Variants in FMN1 observed in about 807,000 individuals in gnomAD.
The protein encoded by FMN1 is formin-1.
Under a neutral mutation model 132.4 loss-of-function variants are expected in FMN1, and 110 were observed. The observed-to-expected ratio is 0.83, with a 90% CI of 0.71 to 0.97. FMN1 has a LOEUF of 0.97. Among genes scored for constraint, FMN1 ranks in the 50% least tolerant of loss-of-function variants. FMN1 has a pLI of 0.00. For synonymous variants in FMN1, 722 were observed against 651.7 expected, an observed-to-expected ratio of 1.11 and a Z score of -1.64; for missense variants, 1,792 against 1,705.3, an observed-to-expected ratio of 1.05 and a Z score of -0.90.
chr15:32,894,462 TG>T lies in FMN1; in HGVS notation c.3714+4371del, dbSNP rs545942136. Among the ~76,000 whole-genome samples the T allele has an allele frequency of 2.5e-4, 37 of 148,790 alleles. 3 individuals are homozygous for T. The South Asian group carries it at 7.9e-3, about 32-fold the overall frequency. On this transcript the variant is annotated intron_variant, in intron 15 of 20. Coordinates refer to ENST00000616417, the MANE Select transcript of FMN1 (RefSeq NM_001277313.2). Reference sequence around the variant, plus strand: ...TTGCACCACTGCACTGCAGCCTGGGTGACAGAGCGAGACTCCATCTCAATTA... The same window carrying T: ...TTGCACCACTGCACTGCAGCCTGGGTACAGAGCGAGACTCCATCTCAATTA...
chr15:33,062,347 C>T (rs1051812990), intron 6 of FMN1, among the ~76,000 whole-genome samples: 4 of 152,112 alleles, frequency 2.6e-5, no homozygotes, highest in Admixed American at 6.5e-5. Context: ...GTAGGCCAGG[C>T]ACGGTGGCTC....
Position 33,051,347 on chromosome 15 carries a change from A to T in FMN1, c.2161+13610T>A, listed in dbSNP as rs1053606770. ...GGCCACATTAAAAATGGAAAGAAAA[A>T]ACTAAACTGGAAGTCAGAAGACCAA... On this transcript the variant is annotated intron_variant, in intron 6 of 20. Coordinates refer to ENST00000616417, the MANE Select transcript of FMN1 (RefSeq NM_001277313.2). Among the ~76,000 whole-genome samples the T allele has an allele frequency of 2.0e-5, 3 of 152,194 alleles. No homozygotes were observed. In the East Asian group the frequency reaches 5.8e-4, roughly 29 times the overall value.
intron 6 of FMN1, among the ~76,000 whole-genome samples, chr15:33,022,159 T>C (rs1400790009): frequency 6.6e-6 from 1 of 152,232 alleles, no homozygotes; most frequent in African/African-American, 2.4e-5. Context: ...TAATACAACG[T>C]CAATGCTATG....
Position 33,057,445 on chromosome 15 carries a change from G to C in FMN1, c.2161+7512C>G, listed in dbSNP as rs1363587295. On this transcript the variant is annotated intron_variant, in intron 6 of 20. Coordinates refer to ENST00000616417, the MANE Select transcript of FMN1 (RefSeq NM_001277313.2). ...AAAGAAAGTCAGTGGTGCTGCAGTT[G>C]AACTTCATATATATTGTCTTATCTC... 2.0e-5 allele frequency among the ~76,000 whole-genome samples: 3 copies of C among 152,136 alleles called. No homozygotes were observed. In the East Asian group the frequency reaches 5.8e-4, roughly 29 times the overall value.
At chr15:33,113,801 G>A (rs749520077) in intron 4 of FMN1, among the ~76,000 whole-genome samples, 6 of 152,156 alleles carry the variant, frequency 3.9e-5, no homozygotes, top group Non-Finnish European at 7.4e-5. Context: ...CTTCCAGACG[G>A]TCTTACAGCT....
chr15:33,017,489 C>CA (rs1328132702), intron 6 of FMN1, among the ~76,000 whole-genome samples: 2 of 149,898 alleles, frequency 1.3e-5, no homozygotes, highest in Non-Finnish European at 3.0e-5. Flanking sequence ...TTTTTTTTTT[C>CA]AAAAAAGAAG....
intron 9 of FMN1, among the ~76,000 whole-genome samples, chr15:32,938,533 A>G (rs1008960723): frequency 6.6e-6 from 1 of 152,180 alleles, no homozygotes; most frequent in African/African-American, 2.4e-5. Flanking sequence ...CTGTCTGAAG[A>G]AATGTTCCAA....
chr15:33,159,569 GA>G (rs553083740), intron 3 of FMN1, among the ~76,000 whole-genome samples: 175 of 151,866 alleles, frequency 1.2e-3, no homozygotes, highest in African/African-American at 3.5e-3. Context: ...GAATGTAACA[GA>G]AAAAAAACAC....
In FMN1 at chr15:33,153,962, T is replaced by C; in HGVS notation, c.953A>G (p.Lys318Arg). 6.5e-7 allele frequency: 1 copy of C among 1,536,802 alleles called. No individual in the cohort carries two copies. The highest frequency in any genetic ancestry group is 1.2e-5 in the South Asian group (1 of 84,062). ...AEKDEMEKPA[K>R]RTCKQKPVSK... The stretch of plus-strand genomic sequence containing the variant: ...GACAGGTTTCTGCTTGCAAGTCCGC[T>C]TAGCCGGCTTCTCCATCTCATCCTT... Residue 318 changes from lysine (K) to arginine (R), a missense_variant, in exon 4 of 21, where the codon AAG (lysine) becomes AGG (arginine). Around this residue, in one of 3 missense-constraint regions of FMN1, gnomAD observed 638 missense variants for 645.2 expected, o/e 0.99. Coordinates refer to ENST00000616417, the MANE Select transcript of FMN1 (RefSeq NM_001277313.2).
At chr15:32,934,673 CT>C (rs1237517980) in intron 9 of FMN1, among the ~76,000 whole-genome samples, 3 of 144,954 alleles carry the variant, frequency 2.1e-5, no homozygotes, top group South Asian at 4.3e-4. Context: ...ATGGCGCAAT[CT>C]TGGCTCACTG....
chr15:33,158,434 T>C (rs1314845724), intron 3 of FMN1, among the ~76,000 whole-genome samples: 2 of 140,228 alleles, frequency 1.4e-5, no homozygotes, highest in African/African-American at 2.6e-5. Context: ...GCTACTATTA[T>C]AAAAAAAAAG....
Position 33,069,994 on chromosome 15 carries a change from T to A in FMN1, c.2044-4920A>T, listed in dbSNP as rs1023381061. Among the ~76,000 whole-genome samples, 154 of 32,576 alleles carry A rather than the reference T, an allele frequency of 4.7e-3. 2 individuals are homozygous for A. Among genetic ancestry groups the A allele is most frequent in the African/African-American group, 0.018 (150 of 8,220 alleles). 21.4% of individuals were successfully genotyped at this position (32,576 alleles called of 152,430 possible). A position where few individuals can be genotyped will look rare whatever the true frequency, so the allele number is the denominator to read the frequency against. ...ACAGATCATAAGATCAGTCTTTCTCTTTTTTTTTTTTTTTTTTTTTTTTTT... is the reference window on the plus strand; with the variant it reads ...ACAGATCATAAGATCAGTCTTTCTCATTTTTTTTTTTTTTTTTTTTTTTTT... On this transcript the variant is annotated intron_variant, in intron 5 of 20. Coordinates refer to ENST00000616417, the MANE Select transcript of FMN1 (RefSeq NM_001277313.2).
At chr15:32,898,936 G>A (rs139757565) in intron 14 of FMN1, 43 bp from the exon 15 acceptor site, 1 of 1,313,776 alleles carries the variant, frequency 7.6e-7, no homozygotes, top group Non-Finnish European at 1.1e-6. Flanking sequence ...ATTCCCATGA[G>A]ACTGTCATGT....
At chr15:32,930,785 G>A (rs1019075947) in intron 9 of FMN1, among the ~76,000 whole-genome samples, 5 of 151,740 alleles carry the variant, frequency 3.3e-5, no homozygotes, top group African/African-American at 7.3e-5. Flanking sequence ...CAATTTTAGA[G>A]GACTTTTCCC....
intron 6 of FMN1, among the ~76,000 whole-genome samples, chr15:33,059,298 A>G (rs1439277254): frequency 6.6e-6 from 1 of 152,190 alleles, no homozygotes; most frequent in Non-Finnish European, 1.5e-5. Flanking sequence ...TCACCCACTG[A>G]TGAATACTTA....
At chr15:33,077,619 GT>G (rs1363750951) in intron 5 of FMN1, among the ~76,000 whole-genome samples, 17 of 151,516 alleles carry the variant, frequency 1.1e-4, no homozygotes, top group African/African-American at 4.1e-4. Flanking sequence ...GCAGTGTTTG[GT>G]TTTTTTCTCC....
intron 6 of FMN1, among the ~76,000 whole-genome samples, chr15:33,045,807 G>A (rs1404409241): frequency 8.6e-5 from 13 of 151,942 alleles, no homozygotes; most frequent in African/African-American, 2.4e-4. Flanking sequence ...TTCATTTTTC[G>A]TGCACATGTA....
chr15:33,010,655 T>C (rs2034664005), intron 6 of FMN1, among the ~76,000 whole-genome samples: 2 of 152,150 alleles, frequency 1.3e-5, no homozygotes, highest in Admixed American at 1.3e-4. Context: ...GGTATTATTC[T>C]CTATGTTCAT....
At chr15:33,185,461 GT>G (rs1965847763) in intron 2 of FMN1, among the ~76,000 whole-genome samples, 1 of 150,498 alleles carries the variant, frequency 6.6e-6, no homozygotes, top group Non-Finnish European at 1.5e-5. Context: ...TTTAATTACC[GT>G]TAATTCCAAT....
Sources: gnomAD v4.1 joint callset for allele counts (sites outside exome capture counted in the v4.1 genomes callset) on GRCh38, gnomAD v4.1.1 for gene constraint, gnomAD v4.1.1 regional missense constraint, MANE v1.5 for transcripts, NCBI Gene and HGNC (gene_info 2026-07-23, HGNC 2026-07-21) for gene names.